The following RS1 variants were observed in gnomAD, a reference collection of about 807,000 sequenced individuals.
RS1 encodes the protein retinoschisin.
Under a neutral mutation model 20.8 loss-of-function variants are expected in RS1, and 2 were observed. That is an observed-to-expected ratio of 0.10 (90% CI 0.04 to 0.30). The LOEUF (loss-of-function observed/expected upper bound fraction) is 0.30, where lower values mean the gene tolerates loss of function less well. Among genes scored for constraint, RS1 ranks in the 10% least tolerant of loss-of-function variants. The probability of loss-of-function intolerance (pLI) is 1.00; values close to 1 mark genes in which losing one functional copy is unlikely to be tolerated. For missense variants in RS1, 151 were observed against 189.8 expected, an observed-to-expected ratio of 0.80 and a Z score of 1.20; for synonymous variants, 70 against 75.8, an observed-to-expected ratio of 0.92 and a Z score of 0.40.
chrX:18,652,261 C>T (rs1928079516), intron 3 of RS1, among the ~76,000 whole-genome samples: 1 of 111,891 alleles, frequency 8.9e-6, no homozygotes, highest in African/African-American at 3.2e-5. Context: ...TCGAAACAGG[C>T]AGCAGAGGCC....
In RS1 at chrX:18,647,177, C is replaced by T. The variant is rs370841048; in HGVS notation, c.326+14G>A. The T allele has an allele frequency of 1.7e-4, 200 of 1,207,695 alleles. No individual in the cohort carries two copies. The South Asian group carries it at 2.8e-3, about 17-fold the overall frequency. ...TTAAAAGCACATGAAAAAAAATCCC[C>T]GGGCCCTGCTTACCCAAAGCCTTGA... On this transcript the variant is annotated intron_variant, in intron 4 of 5. Transcript: ENST00000379984.
intron 3 of RS1, among the ~76,000 whole-genome samples, chrX:18,651,193 C>T (rs770245915): frequency 2.0e-4 from 16 of 79,159 alleles, no homozygotes; most frequent in Non-Finnish European, 2.9e-4. Context: ...TGAATGGTTT[C>T]GGCTGTCCTT....
At chrX:18,650,313 G>T in intron 3 of RS1, 3 of 786,369 alleles carry the variant, frequency 3.8e-6, no homozygotes, top group Admixed American at 4.5e-5. Flanking sequence ...GGAAGGTGAC[G>T]CTCTCACTGT....
At chrX:18,656,144 A>G (rs1359702928) in intron 3 of RS1, among the ~76,000 whole-genome samples, 5 of 108,907 alleles carry the variant, frequency 4.6e-5, no homozygotes, top group Non-Finnish European at 9.5e-5. Flanking sequence ...GGTGCAAGCC[A>G]CCACACCCGG....
At chrX:18,644,315 T>A (rs141607643) in intron 5 of RS1, 115 bp downstream of exon 5, 1 of 650,253 alleles carries the variant, frequency 1.5e-6, no homozygotes, top group Non-Finnish European at 2.6e-6. Context: ...GCGCAGATGA[T>A]CCACTGTGCT....
At chrX:18,669,012 C>A (rs1209727332) in intron 1 of RS1, among the ~76,000 whole-genome samples, 1 of 111,977 alleles carries the variant, frequency 8.9e-6, no homozygotes, top group East Asian at 2.8e-4. Context: ...AAAAAAACCC[C>A]TGCAATCTCT....
At chrX:18,642,203 A>G (rs754578210) in intron 5 of RS1, 47 bp from the exon 6 acceptor site, 5 of 1,150,649 alleles carry the variant, frequency 4.3e-6, no homozygotes, top group South Asian at 1.8e-5. Flanking sequence ...GGGGAGGGAA[A>G]AGGAAGAAGG....
At chrX:18,650,557 G>C (rs1927987919) in intron 3 of RS1, 1 of 1,210,903 alleles carries the variant, frequency 8.3e-7, no homozygotes, top group Non-Finnish European at 1.1e-6. Flanking sequence ...CAGGTCCGAG[G>C]CACTGATGCT....
rs768450307 is a variant in RS1 at position 18,641,967 on chromosome X, C to T, written c.*37G>A. The T allele has an allele frequency of 3.3e-5, 40 of 1,205,942 alleles. No homozygotes were observed. In the Admixed American group the frequency reaches 5.0e-4, roughly 15 times the overall value. On this transcript the variant is annotated 3_prime_UTR_variant, in exon 6 of 6. Coordinates refer to ENST00000379984, the MANE Select transcript of RS1 (RefSeq NM_000330.4). ...GGGTCCCCTACGGCCCGCTCTGTGCCAGTCACCCCCTGGCAGGCGCCGAGC... is the reference window on the plus strand; with the variant it reads ...GGGTCCCCTACGGCCCGCTCTGTGCTAGTCACCCCCTGGCAGGCGCCGAGC...
chrX:18,670,329 G>A (rs1479227458), intron 1 of RS1, among the ~76,000 whole-genome samples: 3 of 104,179 alleles, frequency 2.9e-5, no homozygotes, highest in Non-Finnish European at 5.8e-5. Flanking sequence ...GCAATCAGAC[G>A]ATTCTCCCGC....
intron 3 of RS1, among the ~76,000 whole-genome samples, chrX:18,656,239 G>A (rs1408725682): frequency 9.0e-6 from 1 of 111,440 alleles, no homozygotes; most frequent in Admixed American, 9.6e-5. Context: ...CAGTCCACCC[G>A]CCTCAGTCTC....
intron 1 of RS1, among the ~76,000 whole-genome samples, chrX:18,659,155 G>T (rs1166637330): frequency 1.8e-5 from 2 of 111,734 alleles, no homozygotes; most frequent in Non-Finnish European, 3.8e-5. Flanking sequence ...GTCATGACTA[G>T]TCCCATGTGG....
chrX:18,670,223 C>CT (rs34539361), intron 1 of RS1, among the ~76,000 whole-genome samples: 14,738 of 78,535 alleles, frequency 0.19, 1,940 homozygotes, highest in East Asian at 0.45. Context: ...ATGTCAAGTC[C>CT]TTTTTTTTTT....
At chrX:18,670,324 C>T (rs1008649892) in intron 1 of RS1, among the ~76,000 whole-genome samples, 3 of 103,453 alleles carry the variant, frequency 2.9e-5, no homozygotes, top group African/African-American at 1.1e-4. Context: ...CTCCAGCAAT[C>T]AGACGATTCT....
intron 1 of RS1, among the ~76,000 whole-genome samples, chrX:18,670,131 ACTT>A (rs1928468530): frequency 9.1e-6 from 1 of 109,477 alleles, no homozygotes; most frequent in Admixed American, 9.8e-5. Flanking sequence ...CATTTCTAGG[ACTT>A]CTTCGCATCG....
intron 1 of RS1, among the ~76,000 whole-genome samples, chrX:18,670,731 G>A (rs1928479786): frequency 9.0e-6 from 1 of 111,206 alleles, no homozygotes; most frequent in Admixed American, 9.6e-5. Context: ...AAAGAGGAGG[G>A]GGCAAGGAGT....
At chrX:18,652,374 T>G (rs1010123750) in intron 3 of RS1, among the ~76,000 whole-genome samples, 1 of 112,066 alleles carries the variant, frequency 8.9e-6, no homozygotes, top group African/African-American at 3.2e-5. Context: ...GTGAAAGAAT[T>G]AAGGGGATCC....
At chrX:18,644,398 G>T in intron 5 of RS1, 32 bp downstream of exon 5, 2 of 1,193,594 alleles carry the variant, frequency 1.7e-6, no homozygotes, top group South Asian at 3.5e-5. Context: ...GAGGGTGCGA[G>T]CTGAAGTTGG....
chrX:18,666,246 G>T (rs1445846354), intron 1 of RS1, among the ~76,000 whole-genome samples: 3 of 111,933 alleles, frequency 2.7e-5, no homozygotes, highest in Non-Finnish European at 3.8e-5. Flanking sequence ...CTGCTGTGGA[G>T]AAAACACAAG....
Sources: allele counts gnomAD v4.1 joint callset (sites outside exome capture counted in the v4.1 genomes callset), GRCh38; gene constraint gnomAD v4.1.1; transcripts MANE v1.5; gene names NCBI Gene and HGNC (gene_info 2026-07-23, HGNC 2026-07-21).